Variants in ZNF521 observed in about 807,000 individuals in gnomAD.
The protein encoded by ZNF521 is zinc finger protein 521.
A neutral mutation model predicts 105.5 loss-of-function variants in ZNF521; 14 were observed. The ratio of observed to expected loss-of-function variants is 0.13; its 90% confidence interval spans 0.09 to 0.21. The LOEUF (loss-of-function observed/expected upper bound fraction) is 0.21, where lower values mean the gene tolerates loss of function less well. ZNF521 is among the 10% of genes least tolerant of loss of function. The pLI, the probability that ZNF521 is intolerant of heterozygous loss-of-function variation, is 1.00. For missense variants in ZNF521, 1,233 were observed against 1,629.7 expected (o/e 0.76, Z 4.19); for synonymous variants, 635 against 606.0 (o/e 1.05, Z -0.70).
intron 5 of ZNF521, among the ~76,000 whole-genome samples, chr18:25,185,955 A>G (rs2035714776): frequency 6.6e-6 from 1 of 152,220 alleles, no homozygotes; most frequent in Non-Finnish European, 1.5e-5. Context: ...GACAATATAA[A>G]CAGGCTCTCC....
intron 5 of ZNF521, among the ~76,000 whole-genome samples, chr18:25,142,436 A>T (rs934582551): frequency 6.6e-6 from 1 of 152,184 alleles, no homozygotes. Context: ...AAATAACATC[A>T]TCGGAACTGG....
chr18:25,145,598 G>A (rs536371278), intron 5 of ZNF521, among the ~76,000 whole-genome samples: 3 of 152,276 alleles, frequency 2.0e-5, no homozygotes, highest in South Asian at 4.1e-4. Flanking sequence ...GTCTGTCACT[G>A]AGCACGAATG....
intron 4 of ZNF521, among the ~76,000 whole-genome samples, chr18:25,207,750 C>T (rs1010788615): frequency 3.3e-5 from 5 of 152,158 alleles, no homozygotes; most frequent in Admixed American, 6.5e-5. Context: ...GATTCTGCAT[C>T]ATACAACCAG....
At chr18:25,267,156 G>A (rs1909325692) in intron 3 of ZNF521, among the ~76,000 whole-genome samples, 1 of 152,132 alleles carries the variant, frequency 6.6e-6, no homozygotes, top group Non-Finnish European at 1.5e-5. Flanking sequence ...AAACAAAGCT[G>A]CCAGGAAGTT....
chr18:25,114,133 A>G (rs1230409586), intron 5 of ZNF521, among the ~76,000 whole-genome samples: 1 of 151,908 alleles, frequency 6.6e-6, no homozygotes, highest in Admixed American at 6.6e-5. Context: ...CCTCCTCCCA[A>G]TTTCAGGGAG....
At chr18:25,252,068 G>C (rs1016691704) in intron 3 of ZNF521, among the ~76,000 whole-genome samples, 2 of 152,064 alleles carry the variant, frequency 1.3e-5, no homozygotes, top group African/African-American at 4.8e-5. Context: ...GTAATAATAA[G>C]GTGTAAAAGC....
chr18:25,119,062 T>C (rs117756521), intron 5 of ZNF521, among the ~76,000 whole-genome samples: 3,594 of 152,160 alleles, frequency 0.024, 65 homozygotes, highest in South Asian at 0.044. Context: ...CTGGAAAATA[T>C]AACAGACATA....
At chr18:25,108,532 A>C (rs1377259279) in intron 5 of ZNF521, among the ~76,000 whole-genome samples, 1 of 152,090 alleles carries the variant, frequency 6.6e-6, no homozygotes, top group Non-Finnish European at 1.5e-5. Flanking sequence ...TTCTTATTCC[A>C]TTTTAAAACC....
intron 3 of ZNF521, among the ~76,000 whole-genome samples, chr18:25,293,147 G>A (rs1177167376): frequency 1.3e-5 from 2 of 152,044 alleles, no homozygotes; most frequent in Non-Finnish European, 2.9e-5. Flanking sequence ...AAAAAGTTCT[G>A]GATACCCTGT....
At chr18:25,152,726 G>A (rs2035072607) in intron 5 of ZNF521, among the ~76,000 whole-genome samples, 1 of 152,170 alleles carries the variant, frequency 6.6e-6, no homozygotes, top group African/African-American at 2.4e-5. Flanking sequence ...CATACATCTT[G>A]AAGTTTTGCA....
rs67381140 is a variant in ZNF521, at chr18:25,273,220, CAAAAAAAAAAAAAAAAA to C, written c.221-45540_221-45524del. On this transcript the variant is annotated intron_variant, in intron 3 of 7. Coordinates refer to ENST00000361524, the MANE Select transcript of ZNF521 (RefSeq NM_015461.3). ...CCCAAGAGGAGTGAAACCCTGTCTCCAAAAAAAAAAAAAAAAAAAAAAAAAAAAAAAGACATTTTAAA... is the reference window on the plus strand; with the variant it reads ...CCCAAGAGGAGTGAAACCCTGTCTCCAAAAAAAAAAAAAAGACATTTTAAA... 2.5e-3 allele frequency among the ~76,000 whole-genome samples: 102 copies of C among 40,900 alleles called. 2 individuals carry two copies. The highest frequency in any genetic ancestry group is 8.1e-3 in the African/African-American group (94 of 11,540). The allele number at this position is 40,900 out of a possible 152,430, so 26.8% of individuals were successfully genotyped here. A position where few individuals can be genotyped will look rare whatever the true frequency, so the allele number is the denominator to read the frequency against.
At chr18:25,182,500 C>T (rs778733349) in intron 5 of ZNF521, among the ~76,000 whole-genome samples, 24 of 152,144 alleles carry the variant, frequency 1.6e-4, no homozygotes, top group African/African-American at 4.6e-4. Flanking sequence ...CTATATGTGA[C>T]GCCCATTTCG....
At chr18:25,150,958 G>A (rs1000980243) in intron 5 of ZNF521, among the ~76,000 whole-genome samples, 11 of 145,214 alleles carry the variant, frequency 7.6e-5, no homozygotes, top group African/African-American at 2.3e-4. Context: ...GTGTGATCAC[G>A]GCTCACTGTA....
At chr18:25,179,440 C>A (rs1294777956) in intron 5 of ZNF521, among the ~76,000 whole-genome samples, 4 of 151,836 alleles carry the variant, frequency 2.6e-5, no homozygotes, top group African/African-American at 9.7e-5. Flanking sequence ...ATTTTACAAA[C>A]TAGTTGTTGG....
intron 3 of ZNF521, among the ~76,000 whole-genome samples, chr18:25,256,635 A>G (rs1408411767): frequency 1.3e-5 from 2 of 152,040 alleles, no homozygotes; most frequent in Non-Finnish European, 2.9e-5. Flanking sequence ...GAGGCCCCCT[A>G]CAGGAGCGAA....
intron 3 of ZNF521, among the ~76,000 whole-genome samples, chr18:25,304,250 A>G (rs1296842858): frequency 6.6e-6 from 1 of 152,188 alleles, no homozygotes; most frequent in South Asian, 2.1e-4. Flanking sequence ...CAGGCTCAAC[A>G]TATTTCTGTT....
chr18:25,096,553 G>A (rs1286826308), intron 5 of ZNF521, among the ~76,000 whole-genome samples: 1 of 152,158 alleles, frequency 6.6e-6, no homozygotes, highest in Admixed American at 6.6e-5. Flanking sequence ...CAGACTGTGT[G>A]TCCCATGTTT....
chr18:25,083,899 T>TGGGAGGTCCCAGCC (rs1227539583), intron 7 of ZNF521, among the ~76,000 whole-genome samples: 1 of 148,428 alleles, frequency 6.7e-6, no homozygotes, highest in Non-Finnish European at 1.5e-5. Flanking sequence ...GCCTCCTGAG[T>TGGGAGGTCCCAGCC]ACCTGGGACC....
At chr18:25,173,896 A>G (rs1264719599) in intron 5 of ZNF521, among the ~76,000 whole-genome samples, 1 of 152,206 alleles carries the variant, frequency 6.6e-6, no homozygotes, top group Non-Finnish European at 1.5e-5. Context: ...CTTCAGCAAT[A>G]ATACTCTGTA....
Sources: allele counts gnomAD v4.1 joint callset (sites outside exome capture counted in the v4.1 genomes callset), GRCh38; gene constraint gnomAD v4.1.1; transcripts MANE v1.5; gene names NCBI Gene and HGNC (gene_info 2026-07-23, HGNC 2026-07-21).